The following PKN2 variants were observed in gnomAD, a reference collection of about 807,000 sequenced individuals.
PKN2 encodes protein kinase N2.
In PKN2, 38 loss-of-function variants were observed where a neutral mutation model predicts 119.1. The ratio of observed to expected loss-of-function variants is 0.32; its 90% CI spans 0.25 to 0.42. The LOEUF is 0.42. Ranked by LOEUF, PKN2 falls within the 10% of genes least tolerant of loss-of-function variation. The probability of loss-of-function intolerance (pLI) is 1.00; values close to 1 mark genes in which losing one functional copy is unlikely to be tolerated. For missense variants in PKN2, 850 were observed against 1,165.1 expected (o/e 0.73, Z 3.94); for synonymous variants, 390 against 384.9 (o/e 1.01, Z -0.15).
chr1:88,789,663 A>G (rs1670729925), intron 8 of PKN2, among the ~76,000 whole-genome samples: 1 of 22,212 alleles, frequency 4.5e-5, no homozygotes, highest in Admixed American at 3.6e-4. Flanking sequence ...ACTCTATCTC[A>G]TAATAATAAT....
chr1:88,707,904 T>C (rs895411945), intron 1 of PKN2, among the ~76,000 whole-genome samples: 5 of 152,196 alleles, frequency 3.3e-5, no homozygotes, highest in African/African-American at 4.8e-5. Context: ...ATGTAACTTA[T>C]ATTCAAATTA....
chr1:88,818,532 C>CA lies in PKN2; in HGVS notation c.2280-3408dup, dbSNP rs1201066903. Among the ~76,000 whole-genome samples the CA allele has an allele frequency of 2.6e-5, 4 of 151,730 alleles. No homozygotes were observed. In the East Asian group the frequency reaches 7.7e-4, roughly 29 times the overall value. On this transcript the variant is annotated intron_variant, in intron 16 of 21. Coordinates refer to ENST00000370521, the MANE Select transcript of PKN2 (RefSeq NM_006256.4). ...GCATGGTGGTACACGCCTGTAATCCCAGCTACTCGGGAGACTGAGTCAGGA... is the reference window on the plus strand; with the variant it reads ...GCATGGTGGTACACGCCTGTAATCCCAAGCTACTCGGGAGACTGAGTCAGGA...
chr1:88,715,747 C>T (rs1667423914), intron 1 of PKN2, among the ~76,000 whole-genome samples: 1 of 152,096 alleles, frequency 6.6e-6, no homozygotes. Context: ...AAAACCAGCT[C>T]CTGGATTCAT....
At chr1:88,832,967 C>A in intron 20 of PKN2, 110 bp from the exon 21 acceptor site, 1 of 1,262,378 alleles carries the variant, frequency 7.9e-7, no homozygotes, top group Non-Finnish European at 1.1e-6. Context: ...TGTTGCATGG[C>A]TTAGACAAAA....
intron 1 of PKN2, among the ~76,000 whole-genome samples, chr1:88,724,951 C>T (rs549345058): frequency 7.3e-6 from 1 of 137,736 alleles, no homozygotes; most frequent in East Asian, 2.3e-4. Context: ...GGCTGGAGTA[C>T]GGTGGCACAA....
intron 16 of PKN2, among the ~76,000 whole-genome samples, chr1:88,818,594 G>A (rs1374057279): frequency 1.3e-5 from 2 of 149,910 alleles, no homozygotes; most frequent in Non-Finnish European, 3.0e-5. Flanking sequence ...GTTGCAGTAA[G>A]CAAAGACTGT....
At chr1:88,777,271 C>T (rs786923) in intron 6 of PKN2, among the ~76,000 whole-genome samples, 109,676 of 152,004 alleles carry the variant, frequency 0.72, 40,818 homozygotes, top group African/African-American at 0.91. Context: ...TTTTTAAATC[C>T]ATATTGATGT....
At chr1:88,707,038 G>T (rs962821302) in intron 1 of PKN2, among the ~76,000 whole-genome samples, 1 of 151,386 alleles carries the variant, frequency 6.6e-6, no homozygotes, top group Non-Finnish European at 1.5e-5. Flanking sequence ...AGCTGGGAGG[G>T]TAAATCTGCC....
At chr1:88,778,817 C>T (rs777238725) in intron 6 of PKN2, among the ~76,000 whole-genome samples, 5 of 152,030 alleles carry the variant, frequency 3.3e-5, no homozygotes, top group Admixed American at 6.5e-5. Flanking sequence ...GGATTCACAC[C>T]ATTCTCCTGC....
At chr1:88,751,000 T>C (rs1488820334) in intron 2 of PKN2, among the ~76,000 whole-genome samples, 1 of 152,186 alleles carries the variant, frequency 6.6e-6, no homozygotes, top group Admixed American at 6.5e-5. Context: ...GATTTAAACT[T>C]TTCAATGGAT....
chr1:88,778,608 T>C (rs1454727883), intron 6 of PKN2, among the ~76,000 whole-genome samples: 1 of 152,244 alleles, frequency 6.6e-6, no homozygotes, highest in African/African-American at 2.4e-5. Flanking sequence ...TTCTATTGTT[T>C]ACCCCAACTG....
At chr1:88,712,623 T>G (rs1667280189) in intron 1 of PKN2, among the ~76,000 whole-genome samples, 1 of 152,306 alleles carries the variant, frequency 6.6e-6, no homozygotes, top group South Asian at 2.1e-4. Flanking sequence ...GTGTTATAAA[T>G]TATTAAAAAC....
At chr1:88,698,465 A>G (rs2100659154) in intron 1 of PKN2, among the ~76,000 whole-genome samples, 1 of 152,368 alleles carries the variant, frequency 6.6e-6, no homozygotes, top group Middle Eastern at 3.4e-3. Flanking sequence ...CATTAATGTT[A>G]GCACTTGGTG....
rs1030977137 is a variant in PKN2 at position 88,834,809 on chromosome 1, G to A, written c.*1361G>A. ...ACTTTCCACTTGCCTGTAGTTTTTT[G>A]TTTGTTTTGGTTTGGTTTGATTTTA... On this transcript the variant is annotated 3_prime_UTR_variant, in exon 22 of 22. Transcript: ENST00000370521. The A allele has an allele frequency of 6.6e-6, 1 of 152,014 alleles. No individual in the cohort carries two copies. Among genetic ancestry groups the A allele is most frequent in the Non-Finnish European group, 1.5e-5 (1 of 67,812 alleles). The allele number at this position is 152,014 out of a possible 1,614,324, so 9.4% of individuals were successfully genotyped here. A position where few individuals can be genotyped will look rare whatever the true frequency, so the allele number is the denominator to read the frequency against.
rs1491259052 is a variant in PKN2, at chr1:88,820,180, C to CAA, written c.2280-1761_2280-1760insAA. Among the ~76,000 whole-genome samples, 108 of 70,690 alleles carry CAA rather than the reference C, an allele frequency of 1.5e-3. 2 individuals are homozygous for CAA. The highest frequency in any genetic ancestry group is 3.3e-3 in the African/African-American group (55 of 16,612). 46.4% of individuals were successfully genotyped at this position (70,690 alleles called of 152,430 possible). A position where few individuals can be genotyped will look rare whatever the true frequency, so the allele number is the denominator to read the frequency against. ...AAATCAAACAAATCTTTTCAGAAAC[C>CAA]TATATATATATATATATATATATAT... is the stretch of plus-strand genomic sequence containing the variant. On this transcript the variant is annotated intron_variant, in intron 16 of 21. Transcript: ENST00000370521.
chr1:88,755,723 C>T (rs67207210), intron 2 of PKN2, among the ~76,000 whole-genome samples: 10,143 of 152,064 alleles, frequency 0.067, 689 homozygotes, highest in African/African-American at 0.18. Flanking sequence ...AGTATATAAT[C>T]AAGACCATAC....
In PKN2 at chr1:88,822,268, A is replaced by G. The variant is rs1672324360; in HGVS notation, c.2342+265A>G. On this transcript the variant is annotated intron_variant, in intron 17 of 21. Coordinates refer to ENST00000370521, the MANE Select transcript of PKN2 (RefSeq NM_006256.4). Reference sequence around the variant, plus strand: ...GATAGTGCATTTCTCAACAATATTCATCCTAGTGAATATTTTGCATTCAAA... The same window carrying G: ...GATAGTGCATTTCTCAACAATATTCGTCCTAGTGAATATTTTGCATTCAAA... Among the ~76,000 whole-genome samples, 3 of 152,192 alleles carry G rather than the reference A, an allele frequency of 2.0e-5. No individual in the cohort carries two copies. In the South Asian group the frequency reaches 6.2e-4, roughly 32 times the overall value.
At chr1:88,804,362 T>A in intron 8 of PKN2, 29 bp from the exon 9 acceptor site, 16 of 1,538,500 alleles carry the variant, frequency 1.0e-5, no homozygotes, top group Non-Finnish European at 1.4e-5. Flanking sequence ...CTTTTCTGTT[T>A]TCTTTATTAT....
rs1359116188 is a variant in PKN2 at position 88,684,775 on chromosome 1, T to C, written c.48+147T>C. ...CTCCGGGATGTCACTCGGGAAATGCTTCCCTCGGGGAACCGCTTCCCTGGG... is the reference window on the plus strand; with the variant it reads ...CTCCGGGATGTCACTCGGGAAATGCCTCCCTCGGGGAACCGCTTCCCTGGG... On this transcript the variant is annotated intron_variant, in intron 1 of 21. Coordinates refer to ENST00000370521, the MANE Select transcript of PKN2 (RefSeq NM_006256.4). 1.3e-5 allele frequency: 8 copies of C among 635,070 alleles called. No homozygotes were observed. The South Asian group carries it at 1.6e-4, about 13-fold the overall frequency. 39.3% of individuals were successfully genotyped at this position (635,070 alleles called of 1,614,324 possible). A position where few individuals can be genotyped will look rare whatever the true frequency, so the allele number is the denominator to read the frequency against.
Sources: gnomAD v4.1 joint callset for allele counts (sites outside exome capture counted in the v4.1 genomes callset) on GRCh38, gnomAD v4.1.1 for gene constraint, MANE v1.5 for transcripts, NCBI Gene and HGNC (gene_info 2026-07-23, HGNC 2026-07-21) for gene names.